The following UBE2E2 variants were observed in gnomAD, a reference collection of about 807,000 sequenced individuals.
UBE2E2 encodes ubiquitin-conjugating enzyme E2 E2.
UBE2E2 carries 6 observed loss-of-function variants against 24.7 expected under a neutral mutation model. That is an observed-to-expected ratio of 0.24 (90% CI 0.13 to 0.48). The LOEUF (loss-of-function observed/expected upper bound fraction) is 0.48, where lower values mean the gene tolerates loss of function less well. UBE2E2 is among the 20% of genes least tolerant of loss of function. The pLI is 0.99. For missense variants in UBE2E2, 169 were observed against 245.0 expected, an observed-to-expected ratio of 0.69 and a Z score of 2.07; for synonymous variants, 104 against 83.6, an observed-to-expected ratio of 1.24 and a Z score of -1.33.
intron 3 of UBE2E2, among the ~76,000 whole-genome samples, chr3:23,456,928 GT>G (rs1414503314): frequency 2.0e-5 from 3 of 152,198 alleles, no homozygotes; most frequent in Non-Finnish European, 4.4e-5. Context: ...AAAGAAGGCT[GT>G]TTGTTACCCA....
chr3:23,330,850 A>G (rs1199281328), intron 3 of UBE2E2, among the ~76,000 whole-genome samples: 1 of 152,234 alleles, frequency 6.6e-6, no homozygotes, highest in East Asian at 1.9e-4. Context: ...TAATAAAAGT[A>G]TATAAGAAAG....
At chr3:23,238,014 T>C (rs1697162628) in intron 3 of UBE2E2, among the ~76,000 whole-genome samples, 1 of 152,162 alleles carries the variant, frequency 6.6e-6, no homozygotes, top group African/African-American at 2.4e-5. Context: ...CATTCAGGAC[T>C]CACAGGTTGA....
At chr3:23,348,927 G>A (rs1330653979) in intron 3 of UBE2E2, among the ~76,000 whole-genome samples, 1 of 152,114 alleles carries the variant, frequency 6.6e-6, no homozygotes, top group Admixed American at 6.5e-5. Flanking sequence ...AGTTTTTATA[G>A]GGTTCTGCAC....
chr3:23,445,443 G>A (rs1698406149), intron 3 of UBE2E2, among the ~76,000 whole-genome samples: 1 of 152,150 alleles, frequency 6.6e-6, no homozygotes, highest in South Asian at 2.1e-4. Context: ...CAATGAATCA[G>A]AGTATATCTG....
At chr3:23,297,381 G>T (rs1012396934) in intron 3 of UBE2E2, among the ~76,000 whole-genome samples, 1 of 151,650 alleles carries the variant, frequency 6.6e-6, no homozygotes, top group Non-Finnish European at 1.5e-5. Context: ...TGAAGTCCTT[G>T]CCCATGCCTA....
intron 3 of UBE2E2, among the ~76,000 whole-genome samples, chr3:23,414,352 G>A (rs1179070609): frequency 2.0e-5 from 3 of 152,028 alleles, no homozygotes; most frequent in African/African-American, 7.3e-5. Flanking sequence ...CTTGTTAAAG[G>A]TCCTGACATA....
intron 5 of UBE2E2, among the ~76,000 whole-genome samples, chr3:23,555,823 G>A (rs1449909182): frequency 6.6e-6 from 1 of 152,130 alleles, no homozygotes; most frequent in East Asian, 1.9e-4. Flanking sequence ...TCTTTTTAAA[G>A]GTCAACTATA....
At chr3:23,486,984 G>T (rs1035469183) in intron 3 of UBE2E2, among the ~76,000 whole-genome samples, 1 of 152,180 alleles carries the variant, frequency 6.6e-6, no homozygotes, top group African/African-American at 2.4e-5. Context: ...GCACCTGTCT[G>T]CCTCCCACCA....
rs2125525601 is a variant in UBE2E2 at position 23,591,757 on chromosome 3, C to A, written c.*1926C>A. On this transcript the variant is annotated 3_prime_UTR_variant, in exon 6 of 6. Transcript: ENST00000396703. ...ACAAATAACGATGTGTCATTTCTTT[C>A]TTTAACATAAAATAAATTCAATATG... 6.6e-6 allele frequency: 1 copy of A among 152,306 alleles called. No individual in the cohort carries two copies. The highest frequency in any genetic ancestry group is 1.5e-5 in the Non-Finnish European group (1 of 68,018). The allele number at this position is 152,306 out of a possible 1,614,324, so 9.4% of individuals were successfully genotyped here.
intron 3 of UBE2E2, among the ~76,000 whole-genome samples, chr3:23,234,612 G>A (rs1215176047): frequency 1.3e-5 from 2 of 152,148 alleles, no homozygotes; most frequent in African/African-American, 2.4e-5. Flanking sequence ...AGATACAGTG[G>A]GGGTGGTTGG....
At chr3:23,266,281 G>C (rs1698045960) in intron 3 of UBE2E2, among the ~76,000 whole-genome samples, 1 of 152,166 alleles carries the variant, frequency 6.6e-6, no homozygotes, top group African/African-American at 2.4e-5. Context: ...GCAGTGGCTG[G>C]TGCCAGTTGT....
At chr3:23,323,530 G>A (rs1694802727) in intron 3 of UBE2E2, 1 of 451,114 alleles carries the variant, frequency 2.2e-6, no homozygotes, top group Non-Finnish European at 4.4e-6. Flanking sequence ...ACATAACACT[G>A]AAAGGAAATG....
intron 3 of UBE2E2, among the ~76,000 whole-genome samples, chr3:23,379,906 G>A (rs1008967206): frequency 4.6e-5 from 7 of 152,066 alleles, no homozygotes; most frequent in Non-Finnish European, 8.8e-5. Flanking sequence ...GGAGCTTAGT[G>A]AATGAAGGGA....
intron 2 of UBE2E2, among the ~76,000 whole-genome samples, chr3:23,209,755 C>T (rs1029773070): frequency 6.6e-6 from 1 of 152,116 alleles, no homozygotes; most frequent in African/African-American, 2.4e-5. Context: ...TTCTAGTAGA[C>T]CTTGTTTTCC....
At chr3:23,207,896 TTATTAG>T (rs1696193245) in intron 1 of UBE2E2, among the ~76,000 whole-genome samples, 1 of 152,208 alleles carries the variant, frequency 6.6e-6, no homozygotes, top group Non-Finnish European at 1.5e-5. Context: ...AGAATATTTA[TTATTAG>T]AATTGTGCAA....
In UBE2E2 at chr3:23,502,862, A is replaced by G. The variant is rs1161623250; in HGVS notation, c.360+3122A>G. The stretch of plus-strand genomic sequence containing the variant: ...TAGCACAATTTTACTATTTCAAAGT[A>G]GGTAAGGCATTTTACATAGTATCTT... On this transcript the variant is annotated intron_variant, in intron 4 of 5. Transcript: ENST00000396703. 2.2e-4 allele frequency among the ~76,000 whole-genome samples: 33 copies of G among 152,212 alleles called. 1 individual carries two copies. Among genetic ancestry groups the G allele is most frequent in the Admixed American group, 2.2e-3 (33 of 15,276 alleles).
intron 3 of UBE2E2, among the ~76,000 whole-genome samples, chr3:23,372,303 C>T (rs1443534199): frequency 1.3e-5 from 2 of 151,842 alleles, no homozygotes; most frequent in Non-Finnish European, 2.9e-5. Flanking sequence ...ACTGGATATA[C>T]GTCTAGTATC....
At chr3:23,333,388 A>G (rs1020988236) in intron 3 of UBE2E2, among the ~76,000 whole-genome samples, 1 of 152,102 alleles carries the variant, frequency 6.6e-6, no homozygotes, top group African/African-American at 2.4e-5. Flanking sequence ...TTTTTTCTTT[A>G]AGAGAAACAG....
At chr3:23,377,964 G>GTTATAGA (rs1696564215) in intron 3 of UBE2E2, among the ~76,000 whole-genome samples, 2 of 152,112 alleles carry the variant, frequency 1.3e-5, no homozygotes, top group Non-Finnish European at 2.9e-5. Flanking sequence ...AACTCTATAG[G>GTTATAGA]TAATGTTCTT....
Sources: allele counts gnomAD v4.1 joint callset (sites outside exome capture counted in the v4.1 genomes callset), GRCh38; gene constraint gnomAD v4.1.1; transcripts MANE v1.5; gene names NCBI Gene and HGNC (gene_info 2026-07-23, HGNC 2026-07-21).